The following FAT3 variants were observed in gnomAD, a reference collection of about 807,000 sequenced individuals.
FAT3 encodes protocadherin Fat 3.
FAT3 carries 95 observed loss-of-function variants against 310.2 expected under a neutral mutation model. That is an observed-to-expected ratio of 0.31 (90% CI 0.26 to 0.36). FAT3 has a LOEUF of 0.36. Among genes scored for constraint, FAT3 ranks in the 10% least tolerant of loss-of-function variants. The pLI, the probability that FAT3 is intolerant of heterozygous loss-of-function variation, is 1.00. For missense variants in FAT3, 5,408 were observed against 5,715.6 expected, an observed-to-expected ratio of 0.95 and a Z score of 1.74; for synonymous variants, 2,314 against 2,192.9, an observed-to-expected ratio of 1.06 and a Z score of -1.54.
At chr11:92,516,115 G>A (rs1238888407) in intron 2 of FAT3, among the ~76,000 whole-genome samples, 2 of 151,992 alleles carry the variant, frequency 1.3e-5, no homozygotes, top group Non-Finnish European at 2.9e-5. Context: ...AGAAAAAGAG[G>A]GACTCTTCCC....
At chr11:92,708,068 C>G (rs1486231496) in intron 4 of FAT3, among the ~76,000 whole-genome samples, 1 of 152,174 alleles carries the variant, frequency 6.6e-6, no homozygotes, top group Non-Finnish European at 1.5e-5. Context: ...TGTGGCAATA[C>G]TGGTTTACTG....
chr11:92,309,458 G>A (rs1484724426), intron 1 of FAT3, among the ~76,000 whole-genome samples: 1 of 151,826 alleles, frequency 6.6e-6, no homozygotes, highest in African/African-American at 2.4e-5. Flanking sequence ...GATTCTTCAG[G>A]AGCTTGCAAG....
At chr11:92,748,331 C>G (rs1945734053) in intron 4 of FAT3, among the ~76,000 whole-genome samples, 2 of 152,140 alleles carry the variant, frequency 1.3e-5, no homozygotes, top group Non-Finnish European at 2.9e-5. Flanking sequence ...GATTCAGTTA[C>G]CTCCACCTGG....
At chr11:92,264,084 G>A (rs541453096) in intron 1 of FAT3, among the ~76,000 whole-genome samples, 31 of 152,196 alleles carry the variant, frequency 2.0e-4, no homozygotes, top group African/African-American at 7.0e-4. Flanking sequence ...CAACCCCATC[G>A]TCTCACATCG....
At chr11:92,685,603 T>C (rs1242447130) in intron 3 of FAT3, among the ~76,000 whole-genome samples, 1 of 149,584 alleles carries the variant, frequency 6.7e-6, no homozygotes, top group East Asian at 1.9e-4. Flanking sequence ...ATATATTTAA[T>C]TATTTATTAT....
intron 4 of FAT3, among the ~76,000 whole-genome samples, chr11:92,703,995 A>G (rs1944183710): frequency 6.6e-6 from 1 of 152,228 alleles, no homozygotes; most frequent in South Asian, 2.1e-4. Flanking sequence ...CCAAGGTCAT[A>G]CAACTACTTC....
intron 3 of FAT3, among the ~76,000 whole-genome samples, chr11:92,564,800 G>A (rs1454703594): frequency 4.8e-4 from 71 of 146,674 alleles, no homozygotes; most frequent in African/African-American, 1.2e-3. Context: ...GGTACATAAC[G>A]AAATGAAGGC....
intron 3 of FAT3, among the ~76,000 whole-genome samples, chr11:92,639,226 T>A (rs1941872276): frequency 6.6e-6 from 1 of 152,184 alleles, no homozygotes; most frequent in South Asian, 2.1e-4. Flanking sequence ...TTCTAGGATC[T>A]CCAGGGCTTC....
intron 3 of FAT3, among the ~76,000 whole-genome samples, chr11:92,571,218 T>C (rs1955654261): frequency 6.6e-6 from 1 of 152,168 alleles, no homozygotes; most frequent in Admixed American, 6.5e-5. Flanking sequence ...AAAAGGGAAC[T>C]GGATGGACAA....
intron 4 of FAT3, among the ~76,000 whole-genome samples, chr11:92,703,960 G>A (rs1234913920): frequency 6.6e-6 from 1 of 152,176 alleles, no homozygotes; most frequent in Non-Finnish European, 1.5e-5. Context: ...TACAGAAACT[G>A]AGACCTAGAA....
intron 2 of FAT3, among the ~76,000 whole-genome samples, chr11:92,467,226 A>G (rs1302795092): frequency 6.6e-6 from 1 of 152,102 alleles, no homozygotes; most frequent in African/African-American, 2.4e-5. Context: ...ATTTCTCCAC[A>G]TCCTCTCCAG....
chr11:92,840,929 C>T (rs1251511394), intron 18 of FAT3, among the ~76,000 whole-genome samples, 170 bp downstream of exon 18: 1 of 152,166 alleles, frequency 6.6e-6, no homozygotes, highest in African/African-American at 2.4e-5. Context: ...AAAGCTGCCT[C>T]TGTGTGTGAA....
At position 92,866,797 on chromosome 11, in the gene FAT3, G is replaced by A. The variant is rs1469578999; in HGVS notation, c.11715G>A (p.Leu3905=). The A allele has an allele frequency of 6.2e-7, 1 of 1,613,848 alleles. No homozygotes were observed. The highest frequency in any genetic ancestry group is 8.5e-7 in the Non-Finnish European group (1 of 1,179,866). The change falls in exon 22 of 28, where the codon TTG becomes TTA. Residue 3905 remains leucine, a synonymous_variant. Transcript: ENST00000525166. ...QLDCGSGPGI[L]GISGRAVNDG... is the part of the protein sequence containing the mutation. The stretch of plus-strand genomic sequence containing the variant: ...ACTGCGGCAGCGGCCCTGGAATCTT[G>A]GGCATCTCGGGCCGTGCTGTCAACG...
chr11:92,375,964 C>A lies in FAT3; in HGVS notation c.3292+20560C>A, dbSNP rs143554349. On this transcript the variant is annotated intron_variant, in intron 2 of 27. Coordinates refer to ENST00000525166, the MANE Select transcript of FAT3 (RefSeq NM_001367949.2). ...AGGTCATTAACATATGCAAACACTT[C>A]TTTTCCCAAAGTGTTTTTCTACTCT... Among the ~76,000 whole-genome samples the A allele has an allele frequency of 1.5e-3, 225 of 152,306 alleles. 1 individual carries two copies. The highest frequency in any genetic ancestry group is 5.0e-3 in the African/African-American group (206 of 41,562).
intron 2 of FAT3, among the ~76,000 whole-genome samples, chr11:92,459,968 AAAT>A (rs1008326031): frequency 6.6e-6 from 1 of 152,196 alleles, no homozygotes; most frequent in Non-Finnish European, 1.5e-5. Flanking sequence ...CACAAAAAAA[AAAT>A]AAGAAAAAAG....
At chr11:92,513,216 A>G (rs940203195) in intron 2 of FAT3, among the ~76,000 whole-genome samples, 7 of 151,076 alleles carry the variant, frequency 4.6e-5, no homozygotes, top group Admixed American at 4.0e-4. Flanking sequence ...CATATATTTC[A>G]GACTGACAGC....
intron 3 of FAT3, among the ~76,000 whole-genome samples, chr11:92,562,769 T>C (rs1955279681): frequency 6.6e-6 from 1 of 152,184 alleles, no homozygotes; most frequent in Non-Finnish European, 1.5e-5. Flanking sequence ...GGAGAAGATG[T>C]TGATGTTTCA....
chr11:92,734,855 C>T (rs1295171491), intron 4 of FAT3, among the ~76,000 whole-genome samples: 3 of 151,936 alleles, frequency 2.0e-5, no homozygotes, highest in Non-Finnish European at 4.4e-5. Flanking sequence ...ATCCCTGAGC[C>T]TGCAAAAAGG....
At chr11:92,822,390 A>T (rs970753832) in intron 13 of FAT3, among the ~76,000 whole-genome samples, 27 of 151,870 alleles carry the variant, frequency 1.8e-4, no homozygotes, top group Non-Finnish European at 3.7e-4. Flanking sequence ...CAGAGGACGG[A>T]TTTAAGGCAG....
Sources: gnomAD v4.1 joint callset for allele counts (sites outside exome capture counted in the v4.1 genomes callset) on GRCh38, gnomAD v4.1.1 for gene constraint, MANE v1.5 for transcripts, NCBI Gene and HGNC (gene_info 2026-07-23, HGNC 2026-07-21) for gene names.